Variants in ALG5 observed in about 807,000 individuals in gnomAD.
ALG5 encodes dolichyl-phosphate beta-glucosyltransferase.
Under a neutral mutation model 51.8 loss-of-function variants are expected in ALG5, and 26 were observed. That is an observed-to-expected ratio of 0.50 (90% CI 0.37 to 0.70). The LOEUF (loss-of-function observed/expected upper bound fraction) is 0.70, where lower values mean the gene tolerates loss of function less well. Ranked by LOEUF, ALG5 falls within the 30% of genes least tolerant of loss-of-function variation. The pLI is 0.00. For missense variants in ALG5, 311 were observed against 399.3 expected (o/e 0.78, Z 1.88); for synonymous variants, 141 against 136.1 (o/e 1.04, Z -0.25).
intron 8 of ALG5, among the ~76,000 whole-genome samples, chr13:36,955,873 G>A (rs980100582): frequency 6.6e-6 from 1 of 151,940 alleles, no homozygotes; most frequent in African/African-American, 2.4e-5. Flanking sequence ...ACACTTACAC[G>A]TAAGACCTGA....
At chr13:36,966,486 G>T (rs935442475) in intron 7 of ALG5, among the ~76,000 whole-genome samples, 2 of 152,150 alleles carry the variant, frequency 1.3e-5, no homozygotes, top group Non-Finnish European at 2.9e-5. Context: ...TTTAGTAAAA[G>T]ATAGGATCTT....
chr13:36,972,340 TA>T (rs1475865983), intron 6 of ALG5, among the ~76,000 whole-genome samples: 1 of 152,078 alleles, frequency 6.6e-6, no homozygotes, highest in Non-Finnish European at 1.5e-5. Context: ...AAATTAGTGG[TA>T]TGAGAAAGAA....
intron 8 of ALG5, among the ~76,000 whole-genome samples, chr13:36,956,502 A>G (rs1460576028): frequency 6.6e-6 from 1 of 152,234 alleles, no homozygotes; most frequent in Non-Finnish European, 1.5e-5. Flanking sequence ...ATTTGAAATC[A>G]GTATGTTGAG....
chr13:36,993,125 T>C (rs2059032784), intron 4 of ALG5, among the ~76,000 whole-genome samples: 1 of 152,234 alleles, frequency 6.6e-6, no homozygotes, highest in Admixed American at 6.5e-5. Flanking sequence ...TGAGATGGCT[T>C]GTGTTCATAA....
intron 6 of ALG5, 83 bp downstream of exon 6, chr13:36,985,544 G>A: frequency 9.2e-7 from 1 of 1,090,306 alleles, no homozygotes; most frequent in Non-Finnish European, 1.3e-6. Flanking sequence ...TTTTTAAACT[G>A]ATAGGTAAAC....
chr13:36,981,900 A>T (rs1294160363), intron 6 of ALG5, among the ~76,000 whole-genome samples: 1 of 152,194 alleles, frequency 6.6e-6, no homozygotes, highest in African/African-American at 2.4e-5. Flanking sequence ...CATCCTGGCT[A>T]ACACGGTGAA....
At chr13:36,958,471 A>C (rs964596740) in intron 8 of ALG5, among the ~76,000 whole-genome samples, 3 of 152,138 alleles carry the variant, frequency 2.0e-5, no homozygotes, top group African/African-American at 7.2e-5. Context: ...GTGCATGACT[A>C]AGATCTACCA....
intron 6 of ALG5, among the ~76,000 whole-genome samples, chr13:36,976,425 CAAAAA>C (rs57192095): frequency 2.7e-5 from 1 of 36,614 alleles, no homozygotes; most frequent in African/African-American, 7.0e-5. Flanking sequence ...GACTCTGTCT[CAAAAA>C]AAAAAAAAAA....
chr13:36,951,072 C>T (rs190286186), intron 9 of ALG5, among the ~76,000 whole-genome samples: 3 of 152,286 alleles, frequency 2.0e-5, no homozygotes, highest in Admixed American at 1.3e-4. Context: ...GAGACATTAT[C>T]GTTTATCAGG....
chr13:36,965,863 A>G, intron 7 of ALG5, 137 bp from the exon 8 acceptor site: 1 of 685,818 alleles, frequency 1.5e-6, no homozygotes, highest in Non-Finnish European at 2.3e-6. Flanking sequence ...CTGTTCCATG[A>G]GCTTCACCAA....
chr13:36,988,121 T>C (rs1373132778), intron 5 of ALG5, among the ~76,000 whole-genome samples: 1 of 152,142 alleles, frequency 6.6e-6, no homozygotes, highest in Non-Finnish European at 1.5e-5. Context: ...CGCCGAGAAT[T>C]TGCCTCCTCT....
At chr13:36,957,008 T>G (rs559403875) in intron 8 of ALG5, among the ~76,000 whole-genome samples, 1 of 152,080 alleles carries the variant, frequency 6.6e-6, no homozygotes, top group East Asian at 1.9e-4. Flanking sequence ...CCCCTCAGGA[T>G]GGCTAGCCAC....
At chr13:36,960,710 G>C (rs1247701934) in intron 8 of ALG5, among the ~76,000 whole-genome samples, 1 of 150,120 alleles carries the variant, frequency 6.7e-6, no homozygotes, top group Non-Finnish European at 1.5e-5. Context: ...TTTAGATGGA[G>C]TCTTGCCTGC....
intron 6 of ALG5, among the ~76,000 whole-genome samples, chr13:36,982,499 A>G (rs564812742): frequency 2.0e-4 from 31 of 152,344 alleles, no homozygotes; most frequent in Non-Finnish European, 3.8e-4. Flanking sequence ...TATTTTATCT[A>G]TGTCTACTTT....
chr13:36,980,634 A>G (rs1593677043), intron 6 of ALG5, among the ~76,000 whole-genome samples: 2 of 152,318 alleles, frequency 1.3e-5, no homozygotes, highest in East Asian at 3.9e-4. Flanking sequence ...AGCTTTGCAT[A>G]TTAAAAAACA....
chr13:36,966,780 A>G (rs761677810), intron 7 of ALG5, among the ~76,000 whole-genome samples: 50 of 152,238 alleles, frequency 3.3e-4, no homozygotes, highest in African/African-American at 1.2e-3. Flanking sequence ...CTATTAGAAC[A>G]TTTAATATCT....
chr13:36,980,011 C>T (rs1286963145), intron 6 of ALG5, among the ~76,000 whole-genome samples: 1 of 152,132 alleles, frequency 6.6e-6, no homozygotes, highest in African/African-American at 2.4e-5. Context: ...CGCATCACTG[C>T]ACTCCAGGCT....
chr13:36,993,531 A>T, intron 4 of ALG5, 73 bp downstream of exon 4: 1 of 1,282,184 alleles, frequency 7.8e-7, no homozygotes, highest in Non-Finnish European at 1.1e-6. Context: ...GGTGAATGAA[A>T]GTGAGATTTC....
intron 5 of ALG5, among the ~76,000 whole-genome samples, chr13:36,988,066 C>T (rs139893515): frequency 1.8e-3 from 270 of 152,292 alleles, no homozygotes; most frequent in Non-Finnish European, 3.4e-3. Context: ...GCTCCCTGCC[C>T]TCCCAACTTG....
Sources: gnomAD v4.1 joint callset for allele counts (sites outside exome capture counted in the v4.1 genomes callset) on GRCh38, gnomAD v4.1.1 for gene constraint, MANE v1.5 for transcripts, NCBI Gene and HGNC (gene_info 2026-07-23, HGNC 2026-07-21) for gene names.